The following WNT6 variants were observed in gnomAD, a reference collection of about 807,000 sequenced individuals.
WNT6 encodes the protein Wnt family member 6, also known as protein Wnt-6.
WNT6 carries 27 observed loss-of-function variants against 33.1 expected under a neutral mutation model. That is an observed-to-expected ratio of 0.82 (90% CI 0.60 to 1.12). The LOEUF (loss-of-function observed/expected upper bound fraction) is 1.12. Ranked by LOEUF, WNT6 falls within the 50% of genes most tolerant of loss-of-function variation. The probability of loss-of-function intolerance (pLI) is 0.00; values close to 1 mark genes in which losing one functional copy is unlikely to be tolerated. For synonymous variants in WNT6, 249 were observed against 242.8 expected, an observed-to-expected ratio of 1.03 and a Z score of -0.24; for missense variants, 494 against 535.3, an observed-to-expected ratio of 0.92 and a Z score of 0.76.
At chr2:218,872,536 G>A (rs1944411916) in intron 3 of WNT6, among the ~76,000 whole-genome samples, 1 of 152,196 alleles carries the variant, frequency 6.6e-6, no homozygotes, top group African/African-American at 2.4e-5. Context: ...TCAGGGGCAA[G>A]AAGGTTGTCT....
At position 218,867,083 on chromosome 2, in the gene WNT6, T is replaced by C. The variant is rs1038188484; in HGVS notation, c.81-3944T>C. Among the ~76,000 whole-genome samples, 8 of 152,184 alleles carry C rather than the reference T, an allele frequency of 5.3e-5. No individual in the cohort carries two copies. Among genetic ancestry groups the C allele is most frequent in the African/African-American group, 1.7e-4 (7 of 41,422 alleles). ...GTCTGAATCCAGAATTTTAGCGATG[T>C]TATCTGGAATAGATTCAGAGTTAAT... is the stretch of plus-strand genomic sequence containing the variant. On this transcript the variant is annotated intron_variant, in intron 1 of 3. Coordinates refer to ENST00000233948, the MANE Select transcript of WNT6 (RefSeq NM_006522.4). This position sits in a 1 kb window ranked among gnomAD's most constrained non-coding sequence, Gnocchi z 4.9.
In WNT6 at chr2:218,873,910, A is replaced by G. The variant is rs1944431016; in HGVS notation, c.*65A>G. ...GCTCGCACCTGTGGGACCTCAGGGC[A>G]CCGGCACCGGGCGCCTCTCGCCGCT... On this transcript the variant is annotated 3_prime_UTR_variant, in exon 4 of 4. Coordinates refer to ENST00000233948, the MANE Select transcript of WNT6 (RefSeq NM_006522.4). This position sits in a 1 kb window ranked among gnomAD's most constrained non-coding sequence, Gnocchi z 6.1. The G allele has an allele frequency of 2.9e-6, 4 of 1,370,300 alleles. No homozygotes were observed. The South Asian group carries it at 4.9e-5, about 17-fold the overall frequency. The allele number at this position is 1,370,300 out of a possible 1,614,324, so 84.9% of individuals were successfully genotyped here.
At chr2:218,864,444 T>C (rs1009776554) in intron 1 of WNT6, among the ~76,000 whole-genome samples, 38 of 151,992 alleles carry the variant, frequency 2.5e-4, no homozygotes, top group African/African-American at 8.0e-4. Context: ...TTTTAGTATT[T>C]TTAGTAGAGA....
At chr2:218,869,808 G>A (rs1015185297) in intron 1 of WNT6, among the ~76,000 whole-genome samples, 2 of 152,192 alleles carry the variant, frequency 1.3e-5, no homozygotes, top group Non-Finnish European at 2.9e-5. Flanking sequence ...GGGATTTCTG[G>A]AAGTGCGTGA....
Position 218,871,610 on chromosome 2 carries a change from C to A in WNT6, c.427C>A (p.Pro143Thr). 2.7e-6 allele frequency: 4 copies of A among 1,487,082 alleles called. No individual in the cohort carries two copies. The highest frequency in any genetic ancestry group is 2.3e-4 in the Middle Eastern group (1 of 4,390). 92.1% of individuals were successfully genotyped at this position (1,487,082 alleles called of 1,614,324 possible). A position where few individuals can be genotyped will look rare whatever the true frequency, so the allele number is the denominator to read the frequency against. Reference sequence around the variant, plus strand: ...CCAGGCGCCCCGCGGGCGGGCCCCTCCCCGGCCCTCCGGCCTGCCCGGCAC... The same window carrying A: ...CCAGGCGCCCCGCGGGCGGGCCCCTACCCGGCCCTCCGGCCTGCCCGGCAC... The part of the protein sequence containing the change: ...GCQAPRGRAP[P>T]RPSGLPGTPG... Residue 143 changes from proline to threonine, a missense_variant, in exon 3 of 4, where the codon CCC becomes ACC. By Grantham distance (38) the Pro-to-Thr change is conservative. Transcript: ENST00000233948. This position sits in a 1 kb window ranked among gnomAD's most constrained non-coding sequence, Gnocchi z 6.4.
chr2:218,864,884 G>A (rs1559407388), intron 1 of WNT6, among the ~76,000 whole-genome samples: 2 of 152,228 alleles, frequency 1.3e-5, no homozygotes, highest in Non-Finnish European at 2.9e-5. Context: ...GGCCCCTGCT[G>A]AGCTCCAGGG....
intron 1 of WNT6, among the ~76,000 whole-genome samples, chr2:218,861,082 A>AT (rs1419289213): frequency 6.6e-5 from 10 of 152,258 alleles, no homozygotes; most frequent in Middle Eastern, 3.4e-3. Context: ...GGTCGTGTCT[A>AT]TTTGCATATT....
At chr2:218,860,309 T>C (rs1443779509) in intron 1 of WNT6, among the ~76,000 whole-genome samples, 192 bp downstream of exon 1, 1 of 151,944 alleles carries the variant, frequency 6.6e-6, no homozygotes, top group Non-Finnish European at 1.5e-5. Flanking sequence ...TTGTGTTTCC[T>C]CCTCCCGGGT....
intron 3 of WNT6, among the ~76,000 whole-genome samples, chr2:218,872,124 A>G (rs1432794772): frequency 6.6e-6 from 1 of 152,176 alleles, no homozygotes; most frequent in Non-Finnish European, 1.5e-5. Context: ...GACCCCAGGC[A>G]GAGAGGGCAC....
intron 1 of WNT6, among the ~76,000 whole-genome samples, chr2:218,864,134 T>C (rs1386976082): frequency 2.6e-5 from 4 of 152,206 alleles, no homozygotes; most frequent in Admixed American, 2.0e-4. Context: ...GGAAGTTCTT[T>C]ACAACATCTG....
At chr2:218,866,377 AT>A (rs1944354887) in intron 1 of WNT6, among the ~76,000 whole-genome samples, 2 of 152,150 alleles carry the variant, frequency 1.3e-5, no homozygotes, top group South Asian at 4.1e-4. Flanking sequence ...TAGAGGGTGC[AT>A]TTGGTCCAGG....
intron 1 of WNT6, among the ~76,000 whole-genome samples, chr2:218,863,979 G>A (rs1944332073): frequency 1.3e-5 from 2 of 152,164 alleles, no homozygotes; most frequent in Admixed American, 1.3e-4. Flanking sequence ...AAATCATCTT[G>A]TCCAGCCTCA....
rs1302689696 is a variant in WNT6, at chr2:218,867,263, A to G, written c.81-3764A>G. ...AATAGGGATCCCTCCACCAGTGGCC[A>G]GAGTCAGTCGCCTCCTGTCTTGCTC... On this transcript the variant is annotated intron_variant, in intron 1 of 3. Coordinates refer to ENST00000233948, the MANE Select transcript of WNT6 (RefSeq NM_006522.4). This position sits in a 1 kb window ranked among gnomAD's most constrained non-coding sequence, Gnocchi z 4.9. Among the ~76,000 whole-genome samples the G allele has an allele frequency of 6.6e-6, 1 of 152,202 alleles. No homozygotes were observed. Among genetic ancestry groups the G allele is most frequent in the African/African-American group, 2.4e-5 (1 of 41,454 alleles).
At position 218,873,696 on chromosome 2, in the gene WNT6, C is replaced by T; in HGVS notation, c.949C>T (p.Leu317Phe). 6.3e-7 allele frequency: 1 copy of T among 1,576,756 alleles called. No individual in the cohort carries two copies. Among genetic ancestry groups the T allele is most frequent in the Non-Finnish European group, 8.6e-7 (1 of 1,168,280 alleles). ...CGCCTGCAATAGCAGCGCCCCGGAC[C>T]TCAGCGGCTGCGACCTGCTGTGCTG... ...GRACNSSAPD[L>F]SGCDLLCCGR... The change falls in exon 4 of 4, where the codon CTC becomes TTC. Residue 317 changes from leucine to phenylalanine, a missense_variant. Leu to Phe is a conservative substitution (Grantham distance 22, BLOSUM62 0). Coordinates refer to ENST00000233948, the MANE Select transcript of WNT6 (RefSeq NM_006522.4). The surrounding 1 kb of genome is among the most constrained non-coding windows in gnomAD (Gnocchi z 6.1).
At position 218,873,813 on chromosome 2, in the gene WNT6, C is replaced by A; in HGVS notation, c.1066C>A (p.Arg356Ser). ...CTGCGTAGTACAGTGCCACCGCTGC[C>A]GTGTGCGCAAGGAGCTCAGCCTCTG... ...WCCVVQCHRCRVRKELSLCL is the reference protein window; with the variant it reads ...WCCVVQCHRCSVRKELSLCL Residue 356 changes from arginine to serine, a missense_variant, in exon 4 of 4, where the codon CGT becomes AGT. Physicochemically the swap from Arg to Ser is moderately radical, Grantham distance 110. Coordinates refer to ENST00000233948, the MANE Select transcript of WNT6 (RefSeq NM_006522.4). The surrounding 1 kb of genome is among the most constrained non-coding windows in gnomAD (Gnocchi z 6.1). 1.3e-6 allele frequency: 2 copies of A among 1,542,646 alleles called. No individual in the cohort carries two copies.
Position 218,871,059 on chromosome 2 carries a change from C to T in WNT6, c.113C>T (p.Thr38Ile), listed in dbSNP as rs1278580129. 1 of 1,613,272 alleles carries T rather than the reference C, an allele frequency of 6.2e-7. No individual in the cohort carries two copies. Among genetic ancestry groups the T allele is most frequent in the Non-Finnish European group, 8.5e-7 (1 of 1,179,538 alleles). ...AVGSPLVMDP[T>I]SICRKARRLA... ...GGCAGCCCCTTGGTTATGGACCCTA[C>T]CAGCATCTGCAGGAAGGCACGGCGG... Residue 38 changes from threonine to isoleucine, a missense_variant, in exon 2 of 4, where the codon ACC (threonine) becomes ATC (isoleucine). Thr to Ile is a moderately conservative substitution (Grantham distance 89). Transcript: ENST00000233948. The surrounding 1 kb of genome is among the most constrained non-coding windows in gnomAD (Gnocchi z 6.4).
chr2:218,873,502 A>G lies in WNT6; in HGVS notation c.755A>G (p.Glu252Gly), dbSNP rs1007289265. 1.9e-6 allele frequency: 3 copies of G among 1,538,604 alleles called. No individual in the cohort carries two copies. The highest frequency in any genetic ancestry group is 2.6e-6 in the Non-Finnish European group (3 of 1,146,478). ...PFREVGARLL[E>G]RFHGASRVMG... ...CGCGAGGTGGGCGCGCGGCTGCTGG[A>G]GCGCTTCCACGGCGCCTCACGCGTC... The change falls in exon 4 of 4, where the codon GAG becomes GGG. Residue 252 changes from glutamate to glycine, a missense_variant. Coordinates refer to ENST00000233948, the MANE Select transcript of WNT6 (RefSeq NM_006522.4). This position sits in a 1 kb window ranked among gnomAD's most constrained non-coding sequence, Gnocchi z 6.1.
At position 218,867,785 on chromosome 2, in the gene WNT6, A is replaced by G. The variant is rs892699400; in HGVS notation, c.81-3242A>G. ...CAGAGTTCACTCCCTAAGGAAGCAT[A>G]AAGCGAGGAAGGTGAAAGGTGAGTG... On this transcript the variant is annotated intron_variant, in intron 1 of 3. Transcript: ENST00000233948. This position sits in a 1 kb window ranked among gnomAD's most constrained non-coding sequence, Gnocchi z 4.9. Among the ~76,000 whole-genome samples the G allele has an allele frequency of 4.6e-5, 7 of 152,236 alleles. No individual in the cohort carries two copies. Among genetic ancestry groups the G allele is most frequent in the African/African-American group, 1.7e-4 (7 of 41,464 alleles).
chr2:218,866,081 CCCG>C (rs1944352221), intron 1 of WNT6, among the ~76,000 whole-genome samples: 1 of 42 alleles, frequency 0.024, no homozygotes, highest in Admixed American at 0.17. Context: ...CGGGCACAGG[CCCG>C]GCCCAGCCGC....
Sources: allele counts gnomAD v4.1 joint callset (sites outside exome capture counted in the v4.1 genomes callset), GRCh38; gene constraint gnomAD v4.1.1; non-coding constraint Gnocchi (gnomAD v3.1); transcripts MANE v1.5; gene names NCBI Gene and HGNC (gene_info 2026-07-23, HGNC 2026-07-21).